DENND4C: variants seen among roughly 807,000 people sequenced by gnomAD.
DENND4C encodes DENN domain-containing protein 4C.
Under a neutral mutation model 203.0 loss-of-function variants are expected in DENND4C, and 108 were observed. The ratio of observed to expected loss-of-function variants is 0.53; its 90% CI spans 0.46 to 0.62. The LOEUF is 0.62. Among genes scored for constraint, DENND4C ranks in the 20% least tolerant of loss-of-function variants. The probability of loss-of-function intolerance (pLI) is 0.00; values close to 1 mark genes in which losing one functional copy is unlikely to be tolerated. For synonymous variants in DENND4C, 871 were observed against 792.4 expected, an observed-to-expected ratio of 1.10 and a Z score of -1.67; for missense variants, 2,481 against 2,301.2, an observed-to-expected ratio of 1.08 and a Z score of -1.60.
In DENND4C at chr9:19,346,836, C is replaced by A; in HGVS notation, c.4067C>A (p.Thr1356Asn). The change falls in exon 23 of 33, where the codon ACT (threonine) becomes AAT (asparagine). Residue 1356 changes from threonine to asparagine, a missense_variant. Thr to Asn is a moderately conservative substitution (Grantham distance 65). Coordinates refer to ENST00000434457, the MANE Select transcript of DENND4C (RefSeq NM_001330640.2). Reference sequence around the variant, plus strand: ...GCAGTGTCCAGGTCTAAAACTTTTACTGGGCGTTTCAAGCAGCAAACCCCC... The same window carrying A: ...GCAGTGTCCAGGTCTAAAACTTTTAATGGGCGTTTCAAGCAGCAAACCCCC... ...SPAVSRSKTF[T>N]GRFKQQTPSR... The A allele has an allele frequency of 6.2e-7, 1 of 1,614,192 alleles. No individual in the cohort carries two copies. Among genetic ancestry groups the A allele is most frequent in the Non-Finnish European group, 8.5e-7 (1 of 1,180,030 alleles).
In DENND4C at chr9:19,361,855, T is replaced by C. The variant is rs1046339688; in HGVS notation, c.5416T>C (p.Ser1806Pro). 1 of 1,593,004 alleles carries C rather than the reference T, an allele frequency of 6.3e-7. No homozygotes were observed. The highest frequency in any genetic ancestry group is 1.1e-5 in the South Asian group (1 of 90,502). Residue 1806 changes from serine to proline, a missense_variant, in exon 30 of 33, where the codon TCA becomes CCA. By Grantham distance (74) the Ser-to-Pro change is moderately conservative. Around this residue, in one of 3 missense-constraint regions of DENND4C, gnomAD observed 2,289 missense variants for 2,113.3 expected, o/e 1.08. Coordinates refer to ENST00000434457, the MANE Select transcript of DENND4C (RefSeq NM_001330640.2). The stretch of plus-strand genomic sequence containing the variant: ...TTTTGATTTCTTTTAGCTTCCTCTG[T>C]CATCTCTGTCCCAGGATAGCAAACT... ...HCNEGVQLPL[S>P]SLSQDSKLVY... is the part of the protein sequence containing the mutation.
chr9:19,240,490 A>T (rs1823397264), intron 1 of DENND4C, among the ~76,000 whole-genome samples: 1 of 151,824 alleles, frequency 6.6e-6, no homozygotes, highest in South Asian at 2.1e-4. Flanking sequence ...ACATAGTGAA[A>T]CCCCATCTCT....
intron 9 of DENND4C, among the ~76,000 whole-genome samples, chr9:19,302,591 C>T (rs1838806881): frequency 6.6e-6 from 1 of 151,948 alleles, no homozygotes; most frequent in African/African-American, 2.4e-5. Flanking sequence ...TTGCAGGATC[C>T]TTTGTGAGTG....
At chr9:19,235,845 G>T (rs13290955) in intron 1 of DENND4C, among the ~76,000 whole-genome samples, 2 of 151,860 alleles carry the variant, frequency 1.3e-5, no homozygotes. Context: ...TGATCCGCCC[G>T]CCTTGGCCTT....
At chr9:19,235,750 T>A (rs7855665) in intron 1 of DENND4C, among the ~76,000 whole-genome samples, 124,156 of 151,206 alleles carry the variant, frequency 0.82, 51,380 homozygotes, top group Admixed American at 0.87. Context: ...AGCTGGGACT[T>A]TAGGTGCCCG....
intron 15 of DENND4C, among the ~76,000 whole-genome samples, chr9:19,327,308 T>C (rs1173451911): frequency 1.3e-5 from 2 of 152,102 alleles, no homozygotes; most frequent in Non-Finnish European, 2.9e-5. Flanking sequence ...TTATGGTTTT[T>C]TGCATTCAAA....
intron 1 of DENND4C, among the ~76,000 whole-genome samples, chr9:19,275,289 T>TC (rs1407954250): frequency 9.5e-6 from 1 of 105,302 alleles, no homozygotes; most frequent in Non-Finnish European, 1.8e-5. Flanking sequence ...TTTTTTTTTT[T>TC]TTCTTTCTCT....
At chr9:19,323,395 A>T (rs1424430796) in intron 12 of DENND4C, among the ~76,000 whole-genome samples, 2 of 150,844 alleles carry the variant, frequency 1.3e-5, no homozygotes. Context: ...ACATTACTGC[A>T]CTCCAGCCTG....
At position 19,336,376 on chromosome 9, in the gene DENND4C, A is replaced by T. The variant is rs1231335286; in HGVS notation, c.2696A>T (p.Lys899Ile). The stretch of plus-strand genomic sequence containing the variant: ...TTGGCACAGTTTAGGCAGCCGCTTA[A>T]AAAGACTGTGCAAAGGTCACAGGTC... The part of the protein sequence containing the change: ...RGLAQFRQPL[K>I]KTVQRSQVSS... The change falls in exon 19 of 33, where the codon AAA becomes ATA. Residue 899 changes from lysine to isoleucine, a missense_variant. Transcript: ENST00000434457. 6.2e-7 allele frequency: 1 copy of T among 1,614,000 alleles called. No individual in the cohort carries two copies. The highest frequency in any genetic ancestry group is 1.7e-5 in the Admixed American group (1 of 59,972).
chr9:19,294,442 A>G (rs770595836), intron 5 of DENND4C, among the ~76,000 whole-genome samples: 1 of 152,194 alleles, frequency 6.6e-6, no homozygotes, highest in Non-Finnish European at 1.5e-5. Context: ...GCTGATGAGA[A>G]AGTCAAATGC....
intron 2 of DENND4C, among the ~76,000 whole-genome samples, chr9:19,280,864 C>T (rs1357883085): frequency 6.6e-6 from 1 of 152,066 alleles, no homozygotes; most frequent in Non-Finnish European, 1.5e-5. Context: ...CCTCAGCCTC[C>T]CGAGTAGCTG....
intron 4 of DENND4C, among the ~76,000 whole-genome samples, chr9:19,290,363 A>G (rs1836044425): frequency 6.6e-6 from 1 of 152,234 alleles, no homozygotes; most frequent in Non-Finnish European, 1.5e-5. Context: ...ACTAACTGAA[A>G]TAGTTGGTAA....
At chr9:19,273,729 C>T (rs1832258896) in intron 1 of DENND4C, among the ~76,000 whole-genome samples, 1 of 151,666 alleles carries the variant, frequency 6.6e-6, no homozygotes. Flanking sequence ...GATATCAGTA[C>T]ATACTGATTA....
intron 9 of DENND4C, among the ~76,000 whole-genome samples, chr9:19,304,058 A>T (rs1485503035): frequency 6.6e-6 from 1 of 151,418 alleles, no homozygotes; most frequent in Non-Finnish European, 1.5e-5. Flanking sequence ...TAAAAAAAAA[A>T]AAAACCCACA....
chr9:19,315,071 A>G (rs1180433856), intron 10 of DENND4C, among the ~76,000 whole-genome samples: 3 of 151,170 alleles, frequency 2.0e-5, no homozygotes, highest in African/African-American at 7.3e-5. Flanking sequence ...GAGGCAGGAG[A>G]ATCGCTTGAA....
intron 12 of DENND4C, among the ~76,000 whole-genome samples, chr9:19,322,958 C>T (rs1843134803): frequency 6.6e-6 from 1 of 152,040 alleles, no homozygotes; most frequent in South Asian, 2.1e-4. Context: ...GGGACTGTGA[C>T]TGTGTGTTGA....
chr9:19,335,256 T>C (rs1406267898), intron 18 of DENND4C, 151 bp downstream of exon 18: 4 of 396,412 alleles, frequency 1.0e-5, no homozygotes, highest in Admixed American at 4.4e-5. Flanking sequence ...ACAAAAAGTA[T>C]ATATATTTAT....
chr9:19,347,132 AT>A, intron 23 of DENND4C, 46 bp downstream of exon 23: 2 of 1,497,430 alleles, frequency 1.3e-6, no homozygotes, highest in Non-Finnish European at 1.8e-6. Context: ...TGGAGTGTTT[AT>A]AGTATCTTTC....
At chr9:19,317,756 A>C (rs1210736295) in intron 12 of DENND4C, among the ~76,000 whole-genome samples, 2 of 152,238 alleles carry the variant, frequency 1.3e-5, no homozygotes, top group South Asian at 2.1e-4. Flanking sequence ...TTAAAAATAG[A>C]ACAAGTACTC....
Sources: gnomAD v4.1 joint callset for allele counts (sites outside exome capture counted in the v4.1 genomes callset) on GRCh38, gnomAD v4.1.1 for gene constraint, gnomAD v4.1.1 regional missense constraint, MANE v1.5 for transcripts, NCBI Gene and HGNC (gene_info 2026-07-23, HGNC 2026-07-21) for gene names.